Variants in RBFOX2 observed in about 807,000 individuals in gnomAD.
RBFOX2 encodes the protein RNA binding protein fox-1 homolog 2.
RBFOX2 carries 10 observed loss-of-function variants against 49.1 expected under a neutral mutation model. That is an observed-to-expected ratio of 0.20 (90% CI 0.13 to 0.35). The LOEUF is 0.35. Ranked by LOEUF, RBFOX2 falls within the 10% of genes least tolerant of loss-of-function variation. The probability of loss-of-function intolerance (pLI) is 1.00; values close to 1 mark genes in which losing one functional copy is unlikely to be tolerated. For synonymous variants in RBFOX2, 183 were observed against 187.4 expected (o/e 0.98, Z 0.19); for missense variants, 323 against 486.9 (o/e 0.66, Z 3.17).
At chr22:35,752,453 G>A (rs1935309287) in intron 9 of RBFOX2, among the ~76,000 whole-genome samples, 1 of 152,186 alleles carries the variant, frequency 6.6e-6, no homozygotes, top group African/African-American at 2.4e-5. Flanking sequence ...TGTGGGCACT[G>A]CTGAGGTAGC....
chr22:35,758,313 C>T (rs998294995), intron 9 of RBFOX2, among the ~76,000 whole-genome samples: 2 of 152,176 alleles, frequency 1.3e-5, no homozygotes, highest in African/African-American at 4.8e-5. Context: ...GGTCAATATA[C>T]TGAAACGACT....
chr22:36,026,974 G>A (rs1326150597), intron 1 of RBFOX2, among the ~76,000 whole-genome samples: 1 of 152,148 alleles, frequency 6.6e-6, no homozygotes, highest in Admixed American at 6.5e-5. Context: ...GTGGTGTAAT[G>A]GAGACAGCAC....
At chr22:36,017,716 C>T (rs762098803) in intron 1 of RBFOX2, among the ~76,000 whole-genome samples, 1 of 152,150 alleles carries the variant, frequency 6.6e-6, no homozygotes, top group Non-Finnish European at 1.5e-5. Flanking sequence ...CCTGCTCCAG[C>T]GAACTGGAAC....
chr22:35,944,034 C>T (rs1420044778), intron 1 of RBFOX2, among the ~76,000 whole-genome samples: 2 of 152,230 alleles, frequency 1.3e-5, no homozygotes, highest in African/African-American at 2.4e-5. Context: ...TATGTACCTA[C>T]ATCTGTAAAA....
chr22:35,891,500 G>A (rs1569463010), intron 1 of RBFOX2, among the ~76,000 whole-genome samples: 2 of 151,884 alleles, frequency 1.3e-5, no homozygotes, highest in Non-Finnish European at 2.9e-5. Flanking sequence ...CCCATTATGG[G>A]CATTCATTAA....
rs1932807659 is a variant in RBFOX2, at chr22:35,746,491, G to A, written c.958C>T (p.Gln320Ter). 6.2e-7 allele frequency: 1 copy of A among 1,604,270 alleles called. No homozygotes were observed. ...TACATACCCGTCACTGTAAGCGGCT[G>A]CAGCGGCTGCAGCAGCGGTGGCTGC... Residue 320 changes from glutamine to a stop codon, truncating the protein, a stop_gained, in exon 10 of 12, where the codon CAG becomes TAG. Coordinates refer to ENST00000405409, the Ensembl canonical transcript of RBFOX2. LOFTEE classifies it high-confidence loss of function.
Position 35,801,954 on chromosome 22 carries a change from A to T in RBFOX2, c.252+7826T>A, listed in dbSNP as rs528845148. ...TATAGAACTTGTGCTATCTCTGTTC[A>T]CAGGCACAAATCAAAGGATTTTCCA... On this transcript the variant is annotated intron_variant, in intron 2 of 11. Coordinates refer to ENST00000405409, the Ensembl canonical transcript of RBFOX2. Among the ~76,000 whole-genome samples the T allele has an allele frequency of 2.6e-5, 4 of 152,342 alleles. No individual in the cohort carries two copies. The South Asian group carries it at 8.3e-4, about 32-fold the overall frequency.
chr22:35,769,084 A>G (rs1053461081), intron 4 of RBFOX2, among the ~76,000 whole-genome samples: 9 of 152,196 alleles, frequency 5.9e-5, no homozygotes, highest in African/African-American at 2.2e-4. Flanking sequence ...TAGAGTAAAA[A>G]TATGTTCAAC....
chr22:36,027,882 G>C (rs972981681), intron 1 of RBFOX2, among the ~76,000 whole-genome samples: 1 of 151,772 alleles, frequency 6.6e-6, no homozygotes, highest in African/African-American at 2.4e-5. Context: ...CCTTTTCCTC[G>C]ACTCAGTCCA....
intron 1 of RBFOX2, chr22:35,997,565 A>C (rs1227098381): frequency 2.6e-5 from 4 of 152,240 alleles, no homozygotes; most frequent in Non-Finnish European, 5.9e-5. Context: ...ACCTCTTGCA[A>C]CTAATTGCCA....
chr22:35,933,127 G>A (rs2052622172), intron 1 of RBFOX2, among the ~76,000 whole-genome samples: 1 of 152,154 alleles, frequency 6.6e-6, no homozygotes, highest in African/African-American at 2.4e-5. Context: ...TACAAGACAT[G>A]GAGGCTGAAA....
At chr22:35,927,604 C>CAA (rs361700) in intron 1 of RBFOX2, among the ~76,000 whole-genome samples, 7,621 of 48,146 alleles carry the variant, frequency 0.16, 1,015 homozygotes, top group African/African-American at 0.39. Flanking sequence ...AACTCCGTCT[C>CAA]AAAAAAAAAA....
At chr22:35,904,219 T>G (rs2149469318) in intron 1 of RBFOX2, among the ~76,000 whole-genome samples, 1 of 152,234 alleles carries the variant, frequency 6.6e-6, no homozygotes, top group East Asian at 1.9e-4. Flanking sequence ...CTCCTCTATC[T>G]AGTTGGAGGT....
intron 1 of RBFOX2, among the ~76,000 whole-genome samples, chr22:35,858,873 T>C (rs958365807): frequency 2.7e-5 from 4 of 149,368 alleles, no homozygotes; most frequent in African/African-American, 7.4e-5. Context: ...GTTTATACAG[T>C]ATATGCTCAT....
At chr22:35,819,854 A>T (rs1183093120) in intron 1 of RBFOX2, among the ~76,000 whole-genome samples, 3 of 152,228 alleles carry the variant, frequency 2.0e-5, no homozygotes, top group Non-Finnish European at 4.4e-5. Context: ...GAGACAGAGA[A>T]TTTCTATTTT....
At chr22:35,870,966 A>C (rs5750189) in intron 1 of RBFOX2, among the ~76,000 whole-genome samples, 33,630 of 152,002 alleles carry the variant, frequency 0.22, 5,784 homozygotes, top group African/African-American at 0.48. Context: ...CACCATATCC[A>C]CACTCCCCTC....
chr22:36,019,237 C>T (rs184946435), intron 1 of RBFOX2, among the ~76,000 whole-genome samples: 92 of 152,300 alleles, frequency 6.0e-4, no homozygotes, highest in South Asian at 8.3e-4. Context: ...AGTCCTTTCA[C>T]TCCTTAGCAA....
chr22:35,822,691 C>T (rs1370512757), intron 1 of RBFOX2: 2 of 368,584 alleles, frequency 5.4e-6, no homozygotes, highest in Non-Finnish European at 1.0e-5. Flanking sequence ...CCCTCCCTCT[C>T]CATCCCCCTA....
intron 2 of RBFOX2, among the ~76,000 whole-genome samples, chr22:35,794,209 CT>C (rs77037337): frequency 4.6e-4 from 67 of 146,432 alleles, no homozygotes; most frequent in South Asian, 6.5e-4. Context: ...CTATGGATGT[CT>C]TTTTTTTTTT....
Sources: allele counts gnomAD v4.1 joint callset (sites outside exome capture counted in the v4.1 genomes callset), GRCh38; gene constraint gnomAD v4.1.1; transcripts MANE v1.5; gene names NCBI Gene and HGNC (gene_info 2026-07-23, HGNC 2026-07-21).